KCNQ2: variants seen among roughly 807,000 people sequenced by gnomAD.
KCNQ2 encodes potassium voltage-gated channel subfamily KQT member 2.
In KCNQ2, 14 loss-of-function variants were observed where a neutral mutation model predicts 84.8. The observed-to-expected ratio is 0.17, with a 90% CI of 0.11 to 0.26. The LOEUF is 0.26. Among genes scored for constraint, KCNQ2 ranks in the 10% least tolerant of loss-of-function variants. The pLI, the probability that KCNQ2 is intolerant of heterozygous loss-of-function variation, is 1.00. For missense variants in KCNQ2, 788 were observed against 1,254.0 expected (o/e 0.63, Z 5.61); for synonymous variants, 599 against 554.1 (o/e 1.08, Z -1.14).
intron 15 of KCNQ2, chr20:63,410,951 C>G (rs1263725371): frequency 6.6e-6 from 3 of 451,158 alleles, no homozygotes; most frequent in Non-Finnish European, 1.3e-5. Flanking sequence ...CAGGGAACCA[C>G]CGTCATCTGA....
At chr20:63,467,130 C>G (rs73918932) in intron 1 of KCNQ2, among the ~76,000 whole-genome samples, 14,075 of 152,308 alleles carry the variant, frequency 0.092, 1,109 homozygotes, top group East Asian at 0.46. Flanking sequence ...TGGCCCCAGC[C>G]TCCCGTCAAA....
intron 1 of KCNQ2, among the ~76,000 whole-genome samples, chr20:63,454,522 C>T (rs2081717406): frequency 1.3e-5 from 2 of 152,308 alleles, no homozygotes; most frequent in East Asian, 3.9e-4. Flanking sequence ...CCAGGACAGA[C>T]CAGGGAAGAA....
rs1437803065 is a variant in KCNQ2, at chr20:63,446,251, G to A, written c.387+496C>T. The A allele has an allele frequency of 1.2e-5, 3 of 253,370 alleles. No individual in the cohort carries two copies. The highest frequency in any genetic ancestry group is 1.1e-4 in the East Asian group (1 of 8,696). 15.7% of individuals were successfully genotyped at this position (253,370 alleles called of 1,614,324 possible). ...GGAGCAGGGCGGGCAGTAGAGGGAG[G>A]TGCATTTGGATGGGGACCAGTCTCC... On this transcript the variant is annotated intron_variant, in intron 2 of 16. Coordinates refer to ENST00000359125, the MANE Select transcript of KCNQ2 (RefSeq NM_172107.4). This position sits in a 1 kb window ranked among gnomAD's most constrained non-coding sequence, Gnocchi z 5.5.
intron 15 of KCNQ2, chr20:63,412,151 C>T: frequency 2.3e-6 from 1 of 434,780 alleles, no homozygotes; most frequent in Non-Finnish European, 4.1e-6. Flanking sequence ...GCGTGGAGTG[C>T]AGGGGAGGTG....
rs528629688 is a variant in KCNQ2 at position 63,438,876 on chromosome 20, C to T, written c.928-156G>A. Among the ~76,000 whole-genome samples the T allele has an allele frequency of 6.7e-5, 10 of 148,234 alleles. No individual in the cohort carries two copies. Among genetic ancestry groups the T allele is most frequent in the African/African-American group, 2.5e-4 (10 of 40,402 alleles). On this transcript the variant is annotated intron_variant, in intron 6 of 16. Transcript: ENST00000359125. The surrounding 1 kb of genome is among the most constrained non-coding windows in gnomAD (Gnocchi z 5.1). ...CACCCCCCAATTCATCAGGGTCAGA[C>T]CACGCCCCAGGGACTCACACACCCC...
chr20:63,434,000 C>T, intron 7 of KCNQ2, 97 bp from the exon 8 acceptor site: 1 of 1,036,774 alleles, frequency 9.6e-7, no homozygotes, highest in East Asian at 2.4e-5. Context: ...AGGGGACCCC[C>T]ATGCTGTAGG....
intron 1 of KCNQ2, among the ~76,000 whole-genome samples, chr20:63,462,151 G>A (rs1278817332): frequency 2.8e-5 from 4 of 141,600 alleles, no homozygotes; most frequent in Non-Finnish European, 4.6e-5. Context: ...GGGGCAGCAG[G>A]GAGGAGGCTG....
At chr20:63,413,384 G>C in intron 15 of KCNQ2, 66 bp downstream of exon 15, 1 of 1,600,770 alleles carries the variant, frequency 6.2e-7, no homozygotes, top group Non-Finnish European at 8.5e-7. Flanking sequence ...ATGGGCCACA[G>C]TGGGCTTTGT....
chr20:63,437,973 C>A (rs371292421), intron 7 of KCNQ2, among the ~76,000 whole-genome samples: 1 of 152,188 alleles, frequency 6.6e-6, no homozygotes, highest in East Asian at 1.9e-4. Flanking sequence ...CCACGCCCAG[C>A]TAATTTTTGT....
In KCNQ2 at chr20:63,413,514, C is replaced by T. The variant is rs748571840; in HGVS notation, c.1699G>A (p.Val567Ile). The change falls in exon 15 of 17, where the codon GTC becomes ATC. Residue 567 changes from valine (V) to isoleucine (I), a missense_variant. By Grantham distance (29) the Val-to-Ile change is conservative. Transcript: ENST00000359125. ...ESLRPYDVMD[V>I]IEQYSAGHLD... ...TGGCCGGCTGAGTACTGCTCGATGACGTCCATCACGTCGTAGGGCCGCAGG... is the reference window on the plus strand; with the variant it reads ...TGGCCGGCTGAGTACTGCTCGATGATGTCCATCACGTCGTAGGGCCGCAGG... The T allele has an allele frequency of 1.9e-6, 3 of 1,613,544 alleles. No individual in the cohort carries two copies. Among genetic ancestry groups the T allele is most frequent in the Non-Finnish European group, 2.5e-6 (3 of 1,180,022 alleles).
At chr20:63,467,156 C>T (rs150765550) in intron 1 of KCNQ2, among the ~76,000 whole-genome samples, 5 of 151,742 alleles carry the variant, frequency 3.3e-5, no homozygotes, top group Admixed American at 1.3e-4. Flanking sequence ...AGTGGACCTT[C>T]GGAGGGCCCA....
intron 1 of KCNQ2, among the ~76,000 whole-genome samples, chr20:63,450,047 G>A (rs1055056659): frequency 1.3e-5 from 2 of 149,812 alleles, no homozygotes; most frequent in Admixed American, 6.6e-5. Flanking sequence ...GCCACCACAC[G>A]AGCTCACTGC....
chr20:63,427,079 G>A (rs1398871638), intron 10 of KCNQ2, among the ~76,000 whole-genome samples: 3 of 152,114 alleles, frequency 2.0e-5, no homozygotes, highest in African/African-American at 7.2e-5. Flanking sequence ...AAACTTAGCC[G>A]GGCGTAGTAG....
At chr20:63,442,800 C>T (rs1175322385) in intron 4 of KCNQ2, among the ~76,000 whole-genome samples, 7 of 73,816 alleles carry the variant, frequency 9.5e-5, no homozygotes, top group Non-Finnish European at 1.1e-4. Context: ...ACCATTACCA[C>T]CACCATTACC....
Position 63,446,669 on chromosome 20 carries a change from AG to A in KCNQ2, c.387+77del. 2 of 1,236,526 alleles carry A rather than the reference AG, an allele frequency of 1.6e-6. No individual in the cohort carries two copies. Among genetic ancestry groups the A allele is most frequent in the South Asian group, 2.4e-5 (2 of 83,056 alleles). 76.6% of individuals were successfully genotyped at this position (1,236,526 alleles called of 1,614,324 possible). A position where few individuals can be genotyped will look rare whatever the true frequency, so the allele number is the denominator to read the frequency against. ...GGGGCGTCAGAGGCCCTGTAGTAACAGGAACGGAAGACAGACGCCCAGGCAG... is the reference window on the plus strand; with the variant it reads ...GGGGCGTCAGAGGCCCTGTAGTAACAGAACGGAAGACAGACGCCCAGGCAG... On this transcript the variant is annotated intron_variant, in intron 2 of 16. Transcript: ENST00000359125. This position sits in a 1 kb window ranked among gnomAD's most constrained non-coding sequence, Gnocchi z 5.5.
chr20:63,463,168 A>G (rs1410069358), intron 1 of KCNQ2, among the ~76,000 whole-genome samples: 1 of 152,142 alleles, frequency 6.6e-6, no homozygotes, highest in East Asian at 1.9e-4. Flanking sequence ...AGGTCAAGGC[A>G]GGAGGATCGC....
Position 63,428,445 on chromosome 20 carries a change from G to A in KCNQ2, c.1149-10C>T, listed in dbSNP as rs978730334. 6.3e-7 allele frequency: 1 copy of A among 1,583,850 alleles called. No individual in the cohort carries two copies. Among genetic ancestry groups the A allele is most frequent in the Non-Finnish European group, 8.6e-7 (1 of 1,164,816 alleles). On this transcript the variant is annotated splice_polypyrimidine_tract_variant and intron_variant, in intron 9 of 16. Coordinates refer to ENST00000359125, the MANE Select transcript of KCNQ2 (RefSeq NM_172107.4). The stretch of plus-strand genomic sequence containing the variant: ...CAGCGGGGGGATAAGTCTGGGGCAA[G>A]AGAAGGAGAGGGGAGTGAGCGTCTC...
chr20:63,434,955 T>C (rs1425558713), intron 7 of KCNQ2, among the ~76,000 whole-genome samples: 4 of 152,220 alleles, frequency 2.6e-5, no homozygotes, highest in Non-Finnish European at 5.9e-5. Flanking sequence ...TACCTAGAGG[T>C]AGAATGGCCG....
In KCNQ2 at chr20:63,419,624, G is replaced by A. The variant is rs1269706365; in HGVS notation, c.1296C>T (p.Arg432=). Residue 432 remains arginine, a synonymous_variant, in exon 12 of 17, where the codon CGC becomes CGT. Transcript: ENST00000359125. The stretch of plus-strand genomic sequence containing the variant: ...TGCGGCGTGTTCCGCGGTACCTAGA[G>A]CGTCCGGGGCAGCATCCACACAGGG... ...RGPLCGCCPG[R]SSQKVSLKDR... 6.2e-7 allele frequency: 1 copy of A among 1,610,542 alleles called. No individual in the cohort carries two copies. The highest frequency in any genetic ancestry group is 1.1e-5 in the South Asian group (1 of 90,172).
Sources: allele counts gnomAD v4.1 joint callset (sites outside exome capture counted in the v4.1 genomes callset), GRCh38; gene constraint gnomAD v4.1.1; non-coding constraint Gnocchi (gnomAD v3.1); transcripts MANE v1.5; gene names NCBI Gene and HGNC (gene_info 2026-07-23, HGNC 2026-07-21).